ROBO2: variants seen among roughly 807,000 people sequenced by gnomAD.
ROBO2 encodes roundabout guidance receptor 2.
ROBO2 carries 53 observed loss-of-function variants against 160.8 expected under a neutral mutation model. The ratio of observed to expected loss-of-function variants is 0.33; its 90% CI spans 0.26 to 0.41. The LOEUF is 0.41. ROBO2 is among the 10% of genes least tolerant of loss of function. The probability of loss-of-function intolerance (pLI) is 1.00; values close to 1 mark genes in which losing one functional copy is unlikely to be tolerated. For synonymous variants in ROBO2, 664 were observed against 611.7 expected (o/e 1.09, Z -1.26); for missense variants, 1,577 against 1,722.4 (o/e 0.92, Z 1.49).
intron 2 of ROBO2, among the ~76,000 whole-genome samples, chr3:76,241,248 C>A (rs961544331): frequency 6.6e-6 from 1 of 151,964 alleles, no homozygotes; most frequent in African/African-American, 2.4e-5. Context: ...CATGGCTTCC[C>A]GGGATCTTAA....
chr3:77,396,864 A>G (rs900948845), intron 2 of ROBO2, among the ~76,000 whole-genome samples: 2 of 152,270 alleles, frequency 1.3e-5, no homozygotes, highest in African/African-American at 2.4e-5. Context: ...CTATGAACCT[A>G]TAAGTAGAAC....
At chr3:77,360,256 C>CCT (rs1431191338) in intron 2 of ROBO2, among the ~76,000 whole-genome samples, 2 of 150,678 alleles carry the variant, frequency 1.3e-5, no homozygotes, top group African/African-American at 4.9e-5. Flanking sequence ...AATGCAACCC[C>CCT]CCCCCCAAAT....
At chr3:75,952,639 T>C (rs776320728) in intron 2 of ROBO2, among the ~76,000 whole-genome samples, 1 of 152,004 alleles carries the variant, frequency 6.6e-6, no homozygotes, top group Non-Finnish European at 1.5e-5. Flanking sequence ...TACATTATTA[T>C]TGACTAAAGT....
chr3:76,344,817 A>G (rs2074430334), intron 2 of ROBO2, among the ~76,000 whole-genome samples: 1 of 152,216 alleles, frequency 6.6e-6, no homozygotes, highest in Admixed American at 6.5e-5. Flanking sequence ...AAATATCTAG[A>G]TGTGATAATA....
At chr3:76,653,039 C>A (rs1404190806) in intron 2 of ROBO2, among the ~76,000 whole-genome samples, 1 of 151,916 alleles carries the variant, frequency 6.6e-6, no homozygotes, top group Admixed American at 6.6e-5. Flanking sequence ...TATTCAGTAG[C>A]CCTATAAATT....
chr3:77,200,389 T>C (rs2082793338), intron 2 of ROBO2, among the ~76,000 whole-genome samples: 1 of 144,540 alleles, frequency 6.9e-6, no homozygotes, highest in Admixed American at 7.0e-5. Context: ...TGGTTACTTT[T>C]GGTAGGTGTC....
chr3:77,055,809 G>A (rs1296154311), intron 1 of ROBO2, among the ~76,000 whole-genome samples: 6 of 151,828 alleles, frequency 4.0e-5, no homozygotes, highest in South Asian at 2.1e-4. Flanking sequence ...TTACTTTTTC[G>A]CTTCTAATTT....
At chr3:77,342,702 A>G (rs1225264887) in intron 2 of ROBO2, among the ~76,000 whole-genome samples, 1 of 152,010 alleles carries the variant, frequency 6.6e-6, no homozygotes, top group East Asian at 1.9e-4. Flanking sequence ...TTGTGGAACC[A>G]TTTTTGTTGG....
chr3:77,438,965 G>A (rs891201033), intron 2 of ROBO2, among the ~76,000 whole-genome samples: 2 of 151,978 alleles, frequency 1.3e-5, no homozygotes, highest in African/African-American at 4.8e-5. Flanking sequence ...GTTCTATGTG[G>A]TCAAAGTCAT....
In ROBO2 at chr3:77,277,314, T is replaced by C. The variant is rs1033051764; in HGVS notation, c.388+178974T>C. On this transcript the variant is annotated intron_variant, in intron 2 of 25. Coordinates refer to ENST00000461745, the Ensembl canonical transcript of ROBO2. ...TTTTGTCTTCAACTATTATTTTAAG[T>C]TCAGGTGTACATGTGCAGGATGTGC... Among the ~76,000 whole-genome samples, 3 of 151,694 alleles carry C rather than the reference T, an allele frequency of 2.0e-5. No individual in the cohort carries two copies. In the South Asian group the frequency reaches 6.3e-4, roughly 32 times the overall value.
At chr3:76,011,250 C>T (rs1458636984) in intron 2 of ROBO2, among the ~76,000 whole-genome samples, 1 of 152,090 alleles carries the variant, frequency 6.6e-6, no homozygotes, top group East Asian at 1.9e-4. Context: ...GCAAAATTCC[C>T]GCGATCACTT....
chr3:76,629,219 A>G (rs2089870444), intron 2 of ROBO2, among the ~76,000 whole-genome samples: 1 of 152,182 alleles, frequency 6.6e-6, no homozygotes, highest in African/African-American at 2.4e-5. Flanking sequence ...TCCACCCAAA[A>G]TCCACACTGT....
intron 2 of ROBO2, among the ~76,000 whole-genome samples, chr3:76,575,266 T>C (rs1185170702): frequency 6.6e-6 from 1 of 152,046 alleles, no homozygotes; most frequent in East Asian, 1.9e-4. Flanking sequence ...ACATGGAAGA[T>C]GATTTAAAAA....
intron 2 of ROBO2, among the ~76,000 whole-genome samples, chr3:76,472,112 TGC>T (rs59897322): frequency 2.4e-5 from 2 of 84,412 alleles, no homozygotes; most frequent in Non-Finnish European, 3.2e-5. Context: ...CGCGTGTGCG[TGC>T]GCATGTGTAT....
At chr3:76,734,580 T>C (rs1037414039) in intron 2 of ROBO2, among the ~76,000 whole-genome samples, 1 of 152,212 alleles carries the variant, frequency 6.6e-6, no homozygotes, top group African/African-American at 2.4e-5. Flanking sequence ...CTTCTGGCTC[T>C]TAACCTGAGC....
intron 2 of ROBO2, among the ~76,000 whole-genome samples, chr3:77,469,423 C>T (rs1215025424): frequency 6.6e-6 from 1 of 152,128 alleles, no homozygotes; most frequent in East Asian, 1.9e-4. Context: ...TTCTGAGCTG[C>T]ATGCTGGTTG....
chr3:76,499,883 C>T (rs2080365371), intron 2 of ROBO2, among the ~76,000 whole-genome samples: 2 of 152,002 alleles, frequency 1.3e-5, no homozygotes, highest in Non-Finnish European at 2.9e-5. Context: ...TGGTTCCAAG[C>T]TAGCCCGTGT....
rs536805397 is a variant in ROBO2, at chr3:76,918,235, C to A, written c.110-179779C>A. ...GTCATTGGATCACGGAGGTGGTTTCCCCCATGCTGTTCTCACGATAGTGAG... is the reference window on the plus strand; with the variant it reads ...GTCATTGGATCACGGAGGTGGTTTCACCCATGCTGTTCTCACGATAGTGAG... On this transcript the variant is annotated intron_variant, in intron 2 of 26. Coordinates refer to the ROBO2 transcript ENST00000487694. 2.1e-4 allele frequency among the ~76,000 whole-genome samples: 32 copies of A among 152,244 alleles called. No homozygotes were observed. The South Asian group carries it at 6.4e-3, about 31-fold the overall frequency.
intron 13 of ROBO2, among the ~76,000 whole-genome samples, chr3:77,570,353 T>C (rs2093606760): frequency 6.6e-6 from 1 of 151,992 alleles, no homozygotes; most frequent in Non-Finnish European, 1.5e-5. Flanking sequence ...TGTCTATTCA[T>C]CTCTGTACCC....
Sources: gnomAD v4.1 joint callset for allele counts (sites outside exome capture counted in the v4.1 genomes callset) on GRCh38, gnomAD v4.1.1 for gene constraint, MANE v1.5 for transcripts, NCBI Gene and HGNC (gene_info 2026-07-23, HGNC 2026-07-21) for gene names.